KDM4A: variants seen among roughly 807,000 people sequenced by gnomAD.
KDM4A encodes the protein lysine-specific demethylase 4A.
KDM4A carries 23 observed loss-of-function variants against 127.1 expected under a neutral mutation model. The ratio of observed to expected loss-of-function variants is 0.18; its 90% CI spans 0.13 to 0.26. The LOEUF (loss-of-function observed/expected upper bound fraction) is 0.26, where lower values mean the gene tolerates loss of function less well. Ranked by LOEUF, KDM4A falls within the 10% of genes least tolerant of loss-of-function variation. KDM4A has a pLI of 1.00. For missense variants in KDM4A, 890 were observed against 1,329.1 expected, an observed-to-expected ratio of 0.67 and a Z score of 5.14; for synonymous variants, 443 against 466.5, an observed-to-expected ratio of 0.95 and a Z score of 0.65.
chr1:43,696,464 G>C (rs1350769331), intron 18 of KDM4A, among the ~76,000 whole-genome samples: 1 of 152,232 alleles, frequency 6.6e-6, no homozygotes, highest in African/African-American at 2.4e-5. Context: ...GAAAAGTCCT[G>C]GTTGGCTGAC....
intron 18 of KDM4A, among the ~76,000 whole-genome samples, chr1:43,696,587 C>G (rs138479841): frequency 1.3e-5 from 2 of 152,182 alleles, no homozygotes; most frequent in South Asian, 4.1e-4. Flanking sequence ...CGGAGTGTCT[C>G]AAGGGCCCTG....
intron 4 of KDM4A, among the ~76,000 whole-genome samples, chr1:43,661,311 A>T (rs1306304260): frequency 6.6e-6 from 1 of 151,726 alleles, no homozygotes; most frequent in Admixed American, 6.6e-5. Flanking sequence ...TGGAAGAGTT[A>T]AAAAAATGAA....
rs1660421170 is a variant in KDM4A, at chr1:43,663,092, A to G, written c.623+5A>G. Reference sequence around the variant, plus strand: ...CTTTGGAGAACCAAAGTCCTGGTACAGTCTGCCTGCAGTCGGCACCGGGCT... The same window carrying G: ...CTTTGGAGAACCAAAGTCCTGGTACGGTCTGCCTGCAGTCGGCACCGGGCT... On this transcript the variant is annotated splice_donor_5th_base_variant and intron_variant, in intron 5 of 21. Transcript: ENST00000372396. 3 of 1,609,626 alleles carry G rather than the reference A, an allele frequency of 1.9e-6. No homozygotes were observed. The highest frequency in any genetic ancestry group is 2.7e-5 in the African/African-American group (2 of 74,828).
chr1:43,699,112 A>G (rs1162801244), intron 19 of KDM4A, among the ~76,000 whole-genome samples: 10 of 111,440 alleles, frequency 9.0e-5, no homozygotes, highest in African/African-American at 3.3e-4. Context: ...TTTTTTTTTG[A>G]GAGAGACCAG....
intron 11 of KDM4A, among the ~76,000 whole-genome samples, chr1:43,682,947 T>C (rs927726753): frequency 5.3e-5 from 8 of 152,224 alleles, no homozygotes; most frequent in African/African-American, 9.6e-5. Context: ...AATACGTTGA[T>C]TAGAAAGAAA....
chr1:43,697,225 C>T (rs893776888), intron 18 of KDM4A, among the ~76,000 whole-genome samples: 1 of 152,200 alleles, frequency 6.6e-6, no homozygotes, highest in Non-Finnish European at 1.5e-5. Context: ...AGTGCCTGGG[C>T]AGGCTAGCAG....
Position 43,704,442 on chromosome 1 carries a change from T to C in KDM4A, c.*72T>C, listed in dbSNP as rs1661495781. 6.9e-7 allele frequency: 1 copy of C among 1,456,408 alleles called. No homozygotes were observed. The allele number at this position is 1,456,408 out of a possible 1,614,324, so 90.2% of individuals were successfully genotyped here. The stretch of plus-strand genomic sequence containing the variant: ...TCTGGGTTCCACAGCACAGCAGACA[T>C]GGAACGCTGAAGTCTCTGAAAGTGA... On this transcript the variant is annotated 3_prime_UTR_variant, in exon 22 of 22. Coordinates refer to ENST00000372396, the MANE Select transcript of KDM4A (RefSeq NM_014663.3).
rs900139733 is a variant in KDM4A, at chr1:43,653,319, G to A, written c.138+6G>A. 3.1e-6 allele frequency: 5 copies of A among 1,606,258 alleles called. No individual in the cohort carries two copies. The highest frequency in any genetic ancestry group is 4.2e-6 in the Non-Finnish European group (5 of 1,177,032). The stretch of plus-strand genomic sequence containing the variant: ...ATCGGGCAGGGCTAGCCAAGGTAAG[G>A]AGCTGGGATTGTTCAAATGGTTTTG... On this transcript the variant is annotated splice_donor_region_variant and intron_variant, in intron 2 of 21. Coordinates refer to ENST00000372396, the MANE Select transcript of KDM4A (RefSeq NM_014663.3).
Position 43,688,245 on chromosome 1 carries a change from C to T in KDM4A, c.1856-669C>T, listed in dbSNP as rs1449865732. Among the ~76,000 whole-genome samples, 1 of 152,162 alleles carries T rather than the reference C, an allele frequency of 6.6e-6. No individual in the cohort carries two copies. Among genetic ancestry groups the T allele is most frequent in the African/African-American group, 2.4e-5 (1 of 41,440 alleles). ...AAAATGTAAAAACAATTCTTAGCTT[C>T]CTCAGTGGGCTGGATTCAGCCTGCA... On this transcript the variant is annotated intron_variant, in intron 12 of 21. Coordinates refer to ENST00000372396, the MANE Select transcript of KDM4A (RefSeq NM_014663.3). The surrounding 1 kb of genome is among the most constrained non-coding windows in gnomAD (Gnocchi z 4.4).
chr1:43,657,477 A>G (rs1660271016), intron 3 of KDM4A, among the ~76,000 whole-genome samples: 1 of 152,192 alleles, frequency 6.6e-6, no homozygotes, highest in Non-Finnish European at 1.5e-5. Flanking sequence ...CTGGGATTAC[A>G]GGTGTGAGCC....
At position 43,685,254 on chromosome 1, in the gene KDM4A, C is replaced by T. The variant is rs1197172613; in HGVS notation, c.1855+1450C>T. Among the ~76,000 whole-genome samples, 4 of 152,104 alleles carry T rather than the reference C, an allele frequency of 2.6e-5. 1 individual carries two copies. On this transcript the variant is annotated intron_variant, in intron 12 of 21. Coordinates refer to ENST00000372396, the MANE Select transcript of KDM4A (RefSeq NM_014663.3). ...TCAGGGTGTGTTGACATCAGTGGAG[C>T]ATGGTCTCCTTGGCTGCCTGAAGCC...
chr1:43,668,738 G>A (rs1015977823), intron 9 of KDM4A, among the ~76,000 whole-genome samples: 3 of 152,222 alleles, frequency 2.0e-5, no homozygotes, highest in African/African-American at 7.2e-5. Flanking sequence ...ATTGGTGGCT[G>A]AGCCAGGGGA....
chr1:43,691,516 G>A lies in KDM4A; in HGVS notation c.2263G>A (p.Ala755Thr), dbSNP rs765116932. 1.2e-6 allele frequency: 2 copies of A among 1,613,960 alleles called. No individual in the cohort carries two copies. The highest frequency in any genetic ancestry group is 2.2e-5 in the South Asian group (2 of 91,060). ...VHASCYGVPP[A>T]KASEDWMCSR... ...GTTAGGTTGCTATGGGGTCCCCCCT[G>A]CAAAGGCTTCTGAAGACTGGATGTG... The change falls in exon 15 of 22, where the codon GCA (alanine) becomes ACA (threonine). Residue 755 changes from alanine (A) to threonine (T), a missense_variant. Coordinates refer to ENST00000372396, the MANE Select transcript of KDM4A (RefSeq NM_014663.3).
intron 5 of KDM4A, 91 bp from the exon 6 acceptor site, chr1:43,665,605 G>T: frequency 8.7e-7 from 1 of 1,155,190 alleles, no homozygotes; most frequent in Non-Finnish European, 1.3e-6. Context: ...AAAAAAATCT[G>T]CTATTTCAAG....
At chr1:43,667,144 T>C in intron 8 of KDM4A, 53 bp downstream of exon 8, 1 of 1,602,246 alleles carries the variant, frequency 6.2e-7, no homozygotes. Flanking sequence ...GAGCAAATTC[T>C]GGTTAGATAC....
intron 4 of KDM4A, 23 bp downstream of exon 4, chr1:43,660,435 T>C (rs1660345362): frequency 6.4e-7 from 1 of 1,571,244 alleles, no homozygotes; most frequent in South Asian, 1.1e-5. Context: ...GGAAACCCTC[T>C]GTGCAGTGTT....
chr1:43,695,511 C>T (rs1012585375), intron 18 of KDM4A, among the ~76,000 whole-genome samples: 1 of 152,126 alleles, frequency 6.6e-6, no homozygotes, highest in Admixed American at 6.5e-5. Flanking sequence ...GGGAGTGTGA[C>T]GGTGTGTGGG....
intron 15 of KDM4A, among the ~76,000 whole-genome samples, chr1:43,691,803 G>A (rs1367397525): frequency 6.6e-6 from 1 of 152,120 alleles, no homozygotes; most frequent in Non-Finnish European, 1.5e-5. Flanking sequence ...CCAACTAGTG[G>A]TCTTCCTGTG....
intron 10 of KDM4A, among the ~76,000 whole-genome samples, chr1:43,669,576 G>A (rs374628498): frequency 6.6e-5 from 10 of 152,194 alleles, no homozygotes; most frequent in Admixed American, 2.0e-4. Flanking sequence ...CTTCCCAGGC[G>A]GACAGAGAGA....
Sources: allele counts gnomAD v4.1 joint callset (sites outside exome capture counted in the v4.1 genomes callset), GRCh38; gene constraint gnomAD v4.1.1; non-coding constraint Gnocchi (gnomAD v3.1); transcripts MANE v1.5; gene names NCBI Gene and HGNC (gene_info 2026-07-23, HGNC 2026-07-21).